SYT1: variants seen among roughly 807,000 people sequenced by gnomAD.
SYT1 encodes the protein synaptotagmin 1, also known as synaptotagmin-1.
Under a neutral mutation model 44.8 loss-of-function variants are expected in SYT1, and 8 were observed. That is an observed-to-expected ratio of 0.18 (90% confidence interval 0.10 to 0.32). The LOEUF (loss-of-function observed/expected upper bound fraction) is 0.32, where lower values mean the gene tolerates loss of function less well. Ranked by LOEUF, SYT1 falls within the 10% of genes least tolerant of loss-of-function variation. SYT1 has a pLI of 1.00. For missense variants in SYT1, 286 were observed against 509.3 expected (o/e 0.56, Z 4.22); for synonymous variants, 154 against 188.8 (o/e 0.82, Z 1.51).
intron 9 of SYT1, among the ~76,000 whole-genome samples, chr12:79,366,215 AT>A (rs1172802076): frequency 1.3e-5 from 2 of 152,242 alleles, no homozygotes; most frequent in East Asian, 3.8e-4. Context: ...AGTTACAGTA[AT>A]TAGGAATCTA....
chr12:79,184,456 G>A (rs1489643211), intron 3 of SYT1, among the ~76,000 whole-genome samples: 1 of 152,000 alleles, frequency 6.6e-6, no homozygotes, highest in African/African-American at 2.4e-5. Flanking sequence ...TCTGGCATGA[G>A]AATCCTGGGT....
chr12:79,032,952 C>T (rs1018281598), intron 2 of SYT1, among the ~76,000 whole-genome samples: 1 of 151,296 alleles, frequency 6.6e-6, no homozygotes, highest in African/African-American at 2.4e-5. Flanking sequence ...TCAAATTGAA[C>T]TTCAGTCTCT....
At chr12:79,327,522 A>G (rs1274728342) in intron 8 of SYT1, among the ~76,000 whole-genome samples, 1 of 152,210 alleles carries the variant, frequency 6.6e-6, no homozygotes, top group Non-Finnish European at 1.5e-5. Flanking sequence ...TCTATGGTAA[A>G]CAACTATGTT....
intron 3 of SYT1, among the ~76,000 whole-genome samples, chr12:79,127,170 T>C (rs527888401): frequency 7.9e-5 from 12 of 152,380 alleles, no homozygotes; most frequent in African/African-American, 2.9e-4. Context: ...AGCATAATTT[T>C]AGAGCTTCAC....
intron 2 of SYT1, among the ~76,000 whole-genome samples, chr12:78,983,011 A>G: frequency 6.6e-6 from 1 of 152,134 alleles, no homozygotes. Context: ...GAACAAATAT[A>G]TAAATAATAA....
intron 3 of SYT1, among the ~76,000 whole-genome samples, chr12:79,147,516 C>T (rs572372335): frequency 1.3e-5 from 2 of 151,972 alleles, no homozygotes; most frequent in Non-Finnish European, 2.9e-5. Context: ...TTACAATGTT[C>T]GTTACAATAA....
chr12:79,150,576 A>G (rs1870208796), intron 3 of SYT1, among the ~76,000 whole-genome samples: 1 of 152,288 alleles, frequency 6.6e-6, no homozygotes, highest in East Asian at 1.9e-4. Flanking sequence ...TTCAGATCAG[A>G]CCATTTTTAA....
intron 1 of SYT1, among the ~76,000 whole-genome samples, chr12:78,962,277 G>T (rs1057227187): frequency 1.4e-4 from 21 of 150,824 alleles, no homozygotes; most frequent in Admixed American, 1.4e-3. Context: ...CTTAATACGA[G>T]GTAAAGTATT....
chr12:79,290,380 C>T (rs1879521261), intron 5 of SYT1, among the ~76,000 whole-genome samples: 1 of 152,236 alleles, frequency 6.6e-6, no homozygotes. Context: ...CACTGAAGAT[C>T]CCTGAGTAAG....
chr12:79,205,813 A>G (rs760674861), intron 3 of SYT1, among the ~76,000 whole-genome samples: 8 of 152,172 alleles, frequency 5.3e-5, no homozygotes, highest in African/African-American at 1.9e-4. Context: ...TCTGAAATTC[A>G]TGTTGACTAC....
At chr12:78,973,515 GA>G (rs577612699) in intron 1 of SYT1, among the ~76,000 whole-genome samples, 11 of 152,124 alleles carry the variant, frequency 7.2e-5, no homozygotes, top group Admixed American at 7.2e-4. Flanking sequence ...ATATCCAAAG[GA>G]AATGAAACCA....
intron 2 of SYT1, among the ~76,000 whole-genome samples, chr12:79,032,297 T>C (rs1872876774): frequency 6.6e-6 from 1 of 151,228 alleles, no homozygotes; most frequent in Non-Finnish European, 1.5e-5. Flanking sequence ...TCTATTGCCC[T>C]AAACAACAAT....
chr12:79,203,688 A>G (rs1873932022), intron 3 of SYT1, among the ~76,000 whole-genome samples: 3 of 152,192 alleles, frequency 2.0e-5, no homozygotes, highest in Non-Finnish European at 4.4e-5. Context: ...TAGGTAAAAA[A>G]CCAACACACT....
intron 9 of SYT1, among the ~76,000 whole-genome samples, chr12:79,401,247 G>A (rs1380031482): frequency 6.6e-6 from 1 of 152,082 alleles, no homozygotes; most frequent in African/African-American, 2.4e-5. Flanking sequence ...AGTACCATAA[G>A]GCCAGGCACA....
chr12:79,155,400 TG>T (rs1227854086), intron 3 of SYT1, among the ~76,000 whole-genome samples: 2 of 152,312 alleles, frequency 1.3e-5, no homozygotes, highest in Middle Eastern at 6.8e-3. Context: ...AGGATCCCAG[TG>T]TTAATATAGA....
chr12:79,115,032 T>TGGGAG (rs1879203677), intron 3 of SYT1, among the ~76,000 whole-genome samples: 1 of 152,218 alleles, frequency 6.6e-6, no homozygotes, highest in African/African-American at 2.4e-5. Flanking sequence ...TCTCCCACTC[T>TGGGAG]TTTCTCTTTA....
In SYT1 at chr12:78,993,208, C is replaced by T. The variant is rs193138306; in HGVS notation, c.-84+15277C>T. ...CTGAACCCCAATCTGTGAAAGGACA[C>T]ATAATGATGGGGAAAATATATTCCT... On this transcript the variant is annotated intron_variant, in intron 2 of 10. Transcript: ENST00000261205. Among the ~76,000 whole-genome samples, 99 of 152,306 alleles carry T rather than the reference C, an allele frequency of 6.5e-4. 1 individual carries two copies. In the East Asian group the frequency reaches 0.018, roughly 27 times the overall value.
chr12:79,187,609 C>T (rs1028357394), intron 3 of SYT1, among the ~76,000 whole-genome samples: 13 of 152,020 alleles, frequency 8.6e-5, no homozygotes, highest in Admixed American at 6.6e-5. Context: ...TATCACCTCA[C>T]GTTATTTTTA....
At chr12:79,339,656 A>T (rs1882267390) in intron 8 of SYT1, among the ~76,000 whole-genome samples, 1 of 152,178 alleles carries the variant, frequency 6.6e-6, no homozygotes, top group South Asian at 2.1e-4. Flanking sequence ...TTTGCTGTGC[A>T]GAAGCCCTTT....
Sources: gnomAD v4.1 joint callset for allele counts (sites outside exome capture counted in the v4.1 genomes callset) on GRCh38, gnomAD v4.1.1 for gene constraint, MANE v1.5 for transcripts, NCBI Gene and HGNC (gene_info 2026-07-23, HGNC 2026-07-21) for gene names.